Variants in LYZL1 observed in about 807,000 individuals in gnomAD.
LYZL1 encodes the protein lysozyme-like protein 1.
LYZL1 carries 16 observed loss-of-function variants against 17.9 expected under a neutral mutation model. That is an observed-to-expected ratio of 0.90 (90% CI 0.61 to 1.36). LYZL1 has a LOEUF of 1.36. Ranked by LOEUF, LYZL1 falls within the 40% of genes most tolerant of loss-of-function variation. The pLI, the probability that LYZL1 is intolerant of heterozygous loss-of-function variation, is 0.00. For missense variants in LYZL1, 149 were observed against 188.4 expected (o/e 0.79, Z 1.22); for synonymous variants, 58 against 71.8 (o/e 0.81, Z 0.97).
At chr10:29,304,165 C>G (rs1835558807) in intron 3 of LYZL1, among the ~76,000 whole-genome samples, 1 of 152,132 alleles carries the variant, frequency 6.6e-6, no homozygotes, top group Non-Finnish European at 1.5e-5. Flanking sequence ...AAAATTGATG[C>G]TATATTCATA....
intron 3 of LYZL1, among the ~76,000 whole-genome samples, chr10:29,303,061 CA>C (rs1316483081): frequency 6.6e-6 from 1 of 152,140 alleles, no homozygotes; most frequent in Non-Finnish European, 1.5e-5. Context: ...AAATGTCTTC[CA>C]GCCCCGCGAG....
intron 3 of LYZL1, among the ~76,000 whole-genome samples, chr10:29,308,344 A>G (rs1835624368): frequency 6.6e-6 from 1 of 152,116 alleles, no homozygotes; most frequent in South Asian, 2.1e-4. Context: ...CTCACTCGGG[A>G]GCTCATGGCT....
At chr10:29,311,524 T>C (rs1428567172), downstream of LYZL1, among the ~76,000 whole-genome samples, 1 of 152,130 alleles carries the variant, frequency 6.6e-6, no homozygotes, top group African/African-American at 2.4e-5. Flanking sequence ...CCCACAAGCC[T>C]AGACACCATT....
downstream of LYZL1, chr10:29,311,234 G>C (rs1013353824): frequency 6.7e-7 from 1 of 1,499,396 alleles, no homozygotes; most frequent in East Asian, 2.5e-5. Context: ...TCTTCACCCC[G>C]TCTCAGTTCC....
intron 3 of LYZL1, among the ~76,000 whole-genome samples, chr10:29,295,057 T>G (rs1209931149): frequency 1.3e-5 from 2 of 152,234 alleles, no homozygotes; most frequent in African/African-American, 4.8e-5. Context: ...GGGGAACTAT[T>G]GTACAAGATA....
intron 3 of LYZL1, among the ~76,000 whole-genome samples, chr10:29,302,823 G>A (rs911732743): frequency 6.6e-6 from 1 of 152,140 alleles, no homozygotes; most frequent in Non-Finnish European, 1.5e-5. Context: ...CAACATTGTT[G>A]AGTGTCTAGA....
downstream of LYZL1, among the ~76,000 whole-genome samples, chr10:29,313,548 T>C (rs539834961): frequency 3.3e-5 from 5 of 152,354 alleles, no homozygotes; most frequent in South Asian, 1.0e-3. Context: ...AACATTAGAC[T>C]CATCTATCTT....
Position 29,292,552 on chromosome 10 carries a change from A to C in LYZL1, c.173A>C (p.Asn58Thr), listed in dbSNP as rs753568438. The C allele has an allele frequency of 2.5e-6, 4 of 1,614,214 alleles. No homozygotes were observed. The highest frequency in any genetic ancestry group is 4.5e-5 in the East Asian group (2 of 44,884). The stretch of plus-strand genomic sequence containing the variant: ...ATGGCATATTATGAGAGCGGCTACA[A>C]CACCACAGCCCAGACGGTCCTGGAT... The part of the protein sequence containing the change: ...ICMAYYESGY[N>T]TTAQTVLDDG... Residue 58 changes from asparagine to threonine, a missense_variant, in exon 3 of 5, where the codon AAC becomes ACC. Asn to Thr is a moderately conservative substitution (Grantham distance 65). Around this residue, in one of 2 missense-constraint regions of LYZL1, gnomAD observed 130 missense variants for 132.5 expected, o/e 0.98. Transcript: ENST00000649382.
intron 3 of LYZL1, among the ~76,000 whole-genome samples, chr10:29,297,795 A>C (rs1835466335): frequency 6.6e-6 from 1 of 152,210 alleles, no homozygotes; most frequent in South Asian, 2.1e-4. Flanking sequence ...ATCCTCATAC[A>C]ATTTCGGAAC....
intron 1 of LYZL1, among the ~76,000 whole-genome samples, chr10:29,290,254 C>T (rs1036188012): frequency 4.6e-5 from 7 of 152,196 alleles, no homozygotes; most frequent in African/African-American, 1.7e-4. Flanking sequence ...TTTCACTTCA[C>T]CCCATCCCAG....
At chr10:29,293,374 G>A (rs1004922077) in intron 3 of LYZL1, among the ~76,000 whole-genome samples, 1 of 151,952 alleles carries the variant, frequency 6.6e-6, no homozygotes, top group Non-Finnish European at 1.5e-5. Context: ...GGCCTAAGGA[G>A]ATTCTCCTGC....
intron 3 of LYZL1, among the ~76,000 whole-genome samples, chr10:29,300,133 A>G (rs1835497851): frequency 6.6e-6 from 1 of 152,166 alleles, no homozygotes; most frequent in Non-Finnish European, 1.5e-5. Flanking sequence ...TAGATCATTT[A>G]CATTTAATGT....
intron 3 of LYZL1, among the ~76,000 whole-genome samples, chr10:29,307,623 T>C (rs1233624960): frequency 6.6e-6 from 1 of 152,250 alleles, no homozygotes; most frequent in African/African-American, 2.4e-5. Context: ...TAACATTGCA[T>C]TGGGAGCATT....
intron 3 of LYZL1, among the ~76,000 whole-genome samples, chr10:29,293,123 T>C (rs1229054704): frequency 9.0e-6 from 1 of 111,362 alleles, no homozygotes; most frequent in East Asian, 2.7e-4. Context: ...TTTTCTTTTC[T>C]TTTCTTTTTT....
At position 29,291,984 on chromosome 10, in the gene LYZL1, C is replaced by T; in HGVS notation, c.117C>T (p.Tyr39=). 2 of 1,517,888 alleles carry T rather than the reference C, an allele frequency of 1.3e-6. No individual in the cohort carries two copies. Among genetic ancestry groups the T allele is most frequent in the Non-Finnish European group, 1.8e-6 (2 of 1,111,868 alleles). The allele number at this position is 1,517,888 out of a possible 1,614,324, so 94.0% of individuals were successfully genotyped here. The change falls in exon 2 of 5, where the codon TAC becomes TAT. Residue 39 remains tyrosine, a synonymous_variant. Coordinates refer to ENST00000649382, the MANE Select transcript of LYZL1 (RefSeq NM_032517.6). ...TCTCGAGGGCTGGCCTGGACAATTACTGGGGCTTCAGCCTTGGAAACTGTG... is the reference window on the plus strand; with the variant it reads ...TCTCGAGGGCTGGCCTGGACAATTATTGGGGCTTCAGCCTTGGAAACTGTG... ...KIFSRAGLDN[Y]WGFSLGNWIC...
downstream of LYZL1, among the ~76,000 whole-genome samples, chr10:29,315,153 AC>A (rs1835714634): frequency 3.3e-5 from 5 of 152,204 alleles, no homozygotes; most frequent in South Asian, 1.0e-3. Flanking sequence ...GATGTCTAAA[AC>A]TGGAACTGTC....
At chr10:29,300,756 T>C (rs919416049) in intron 3 of LYZL1, among the ~76,000 whole-genome samples, 1 of 152,202 alleles carries the variant, frequency 6.6e-6, no homozygotes, top group Non-Finnish European at 1.5e-5. Flanking sequence ...AATATCTCTA[T>C]TTTATTTTGA....
At chr10:29,290,398 C>T (rs1328544296) in intron 1 of LYZL1, among the ~76,000 whole-genome samples, 2 of 152,204 alleles carry the variant, frequency 1.3e-5, no homozygotes, top group African/African-American at 4.8e-5. Flanking sequence ...TTTATTGCCC[C>T]TCTGCTCCCC....
chr10:29,315,916 C>G (rs1427524666), downstream of LYZL1, among the ~76,000 whole-genome samples: 2 of 152,174 alleles, frequency 1.3e-5, no homozygotes, highest in Non-Finnish European at 2.9e-5. Flanking sequence ...CCACTCCAGC[C>G]CTGCTCAGCC....
Sources: allele counts gnomAD v4.1 joint callset (sites outside exome capture counted in the v4.1 genomes callset), GRCh38; gene constraint gnomAD v4.1.1; regional missense constraint gnomAD v4.1.1; transcripts MANE v1.5; gene names NCBI Gene and HGNC (gene_info 2026-07-23, HGNC 2026-07-21).